The following DAGLA variants were observed in gnomAD, a reference collection of about 807,000 sequenced individuals.
DAGLA encodes the protein diacylglycerol lipase alpha.
Under a neutral mutation model 102.6 loss-of-function variants are expected in DAGLA, and 22 were observed. The observed-to-expected ratio is 0.21, with a 90% CI of 0.15 to 0.31. The LOEUF is 0.31. Ranked by LOEUF, DAGLA falls within the 10% of genes least tolerant of loss-of-function variation. DAGLA has a pLI of 1.00. For missense variants in DAGLA, 927 were observed against 1,446.6 expected, an observed-to-expected ratio of 0.64 and a Z score of 5.83; for synonymous variants, 578 against 628.9, an observed-to-expected ratio of 0.92 and a Z score of 1.21.
chr11:61,721,131 C>T (rs1024589535), intron 3 of DAGLA, among the ~76,000 whole-genome samples: 5 of 152,212 alleles, frequency 3.3e-5, no homozygotes, highest in African/African-American at 1.2e-4. Context: ...TGTGGTGGCT[C>T]ATGCCTGTAA....
At chr11:61,737,381 G>A in intron 14 of DAGLA, 57 bp downstream of exon 14, 1 of 1,600,732 alleles carries the variant, frequency 6.2e-7, no homozygotes, top group Non-Finnish European at 8.5e-7. Context: ...TGGAGGCTGA[G>A]GGTTGGCTGG....
At chr11:61,713,681 G>T (rs1376362796) in intron 1 of DAGLA, among the ~76,000 whole-genome samples, 1 of 152,226 alleles carries the variant, frequency 6.6e-6, no homozygotes, top group Non-Finnish European at 1.5e-5. Flanking sequence ...ACAGCGACCT[G>T]CTGGTGAGCC....
intron 1 of DAGLA, among the ~76,000 whole-genome samples, chr11:61,704,699 G>A (rs1003939149): frequency 3.3e-5 from 5 of 152,282 alleles, no homozygotes; most frequent in African/African-American, 4.8e-5. Flanking sequence ...TTTGTGAGGC[G>A]TTCACTTTGG....
chr11:61,725,208 G>A (rs1004959108), intron 5 of DAGLA, among the ~76,000 whole-genome samples: 1 of 152,154 alleles, frequency 6.6e-6, no homozygotes, highest in Non-Finnish European at 1.5e-5. Flanking sequence ...TGTTGGATCT[G>A]TTATCTTTAT....
chr11:61,728,859 T>C, intron 7 of DAGLA, 72 bp from the exon 8 acceptor site: 2 of 1,397,462 alleles, frequency 1.4e-6, no homozygotes, highest in Non-Finnish European at 2.0e-6. Flanking sequence ...CGCCAGGGCC[T>C]GGGCCCCCTT....
At position 61,745,436 on chromosome 11, in the gene DAGLA, AACACACCC is replaced by A. The variant is rs2065528549; in HGVS notation, c.*948_*955del. ...GCTCTGGGCCCTGGGATCTGGAACC[AACACACCC>A]CTGTTCCCCTCAGCTTTCCCTCCTC... On this transcript the variant is annotated 3_prime_UTR_variant, in exon 20 of 20. Coordinates refer to ENST00000257215, the MANE Select transcript of DAGLA (RefSeq NM_006133.3). The A allele has an allele frequency of 6.6e-6, 1 of 152,552 alleles. No homozygotes were observed. Among genetic ancestry groups the A allele is most frequent in the Non-Finnish European group, 1.5e-5 (1 of 68,288 alleles). The allele number at this position is 152,552 out of a possible 1,614,324, so 9.4% of individuals were successfully genotyped here.
Position 61,735,730 on chromosome 11 carries a change from C to T in DAGLA, c.1213-9C>T. ...AGCCGCCCCCTCACCTGTCTCCTCT[C>T]TCCCCAAGGATGCCCTGACTGACCT... On this transcript the variant is annotated splice_polypyrimidine_tract_variant and intron_variant, in intron 11 of 19. Coordinates refer to ENST00000257215, the MANE Select transcript of DAGLA (RefSeq NM_006133.3). The T allele has an allele frequency of 6.2e-7, 1 of 1,613,514 alleles. No individual in the cohort carries two copies. The highest frequency in any genetic ancestry group is 8.5e-7 in the Non-Finnish European group (1 of 1,179,718).
At chr11:61,727,216 G>A (rs1230919883) in intron 6 of DAGLA, among the ~76,000 whole-genome samples, 1 of 152,274 alleles carries the variant, frequency 6.6e-6, no homozygotes, top group Non-Finnish European at 1.5e-5. Context: ...TTGGATGCCA[G>A]CATTTAAAAA....
rs1444993299 is a variant in DAGLA, at chr11:61,735,072, C to A, written c.1128+70C>A. The A allele has an allele frequency of 3.2e-6, 5 of 1,544,876 alleles. No homozygotes were observed. The African/African-American group carries it at 5.4e-5, about 17-fold the overall frequency. ...TGAGGGCCTAGGGTGCTGAGGCTAT[C>A]CTTCCAGGCCGGCAGGAGCCCTTGC... On this transcript the variant is annotated intron_variant, in intron 10 of 19. Coordinates refer to ENST00000257215, the MANE Select transcript of DAGLA (RefSeq NM_006133.3).
chr11:61,687,133 C>T (rs1402232119), intron 1 of DAGLA, among the ~76,000 whole-genome samples: 3 of 152,290 alleles, frequency 2.0e-5, no homozygotes, highest in East Asian at 3.9e-4. Flanking sequence ...CCTGCACGCT[C>T]CCATCCCTCC....
rs1221142341 is a variant in DAGLA, at chr11:61,739,469, G to A, written c.1661G>A (p.Arg554Gln). 4 of 1,613,288 alleles carry A rather than the reference G, an allele frequency of 2.5e-6. No individual in the cohort carries two copies. Among genetic ancestry groups the A allele is most frequent in the South Asian group, 1.1e-5 (1 of 91,074 alleles). The change falls in exon 17 of 20, where the codon CGG becomes CAG. Residue 554 changes from arginine to glutamine, a missense_variant. Transcript: ENST00000257215. Reference sequence around the variant, plus strand: ...CTCCCACTCCACCCCGCGCAGTGGCGGATCATCGTGGGGGCCACCAAATGC... The same window carrying A: ...CTCCCACTCCACCCCGCGCAGTGGCAGATCATCGTGGGGGCCACCAAATGC... The part of the protein sequence containing the change: ...VLQRSTKPKW[R>Q]IIVGATKCIP...
intron 1 of DAGLA, among the ~76,000 whole-genome samples, chr11:61,690,374 TG>T (rs2065014136): frequency 1.3e-5 from 2 of 152,172 alleles, no homozygotes; most frequent in South Asian, 4.1e-4. Flanking sequence ...CTGGGAATAA[TG>T]GTATCACTTC....
intron 1 of DAGLA, among the ~76,000 whole-genome samples, chr11:61,710,858 G>A (rs1417788152): frequency 1.3e-5 from 2 of 152,178 alleles, no homozygotes; most frequent in Admixed American, 6.5e-5. Context: ...GCGTTATTTC[G>A]TTAACTCCTC....
At chr11:61,700,878 G>A (rs775524666) in intron 1 of DAGLA, among the ~76,000 whole-genome samples, 1 of 152,200 alleles carries the variant, frequency 6.6e-6, no homozygotes, top group Non-Finnish European at 1.5e-5. Context: ...CTCCAGCAAC[G>A]AGACCCCCTG....
chr11:61,733,133 C>T (rs1281836322), intron 9 of DAGLA, among the ~76,000 whole-genome samples: 2 of 152,254 alleles, frequency 1.3e-5, no homozygotes, highest in Non-Finnish European at 2.9e-5. Flanking sequence ...GCTGTCACCA[C>T]CTGCTCTTAC....
chr11:61,705,090 C>G (rs1178913920), intron 1 of DAGLA, among the ~76,000 whole-genome samples: 4 of 152,174 alleles, frequency 2.6e-5, no homozygotes, highest in African/African-American at 7.2e-5. Flanking sequence ...CCAGGGCTGA[C>G]TCCCGGAGCT....
chr11:61,688,056 C>T (rs1210021095), intron 1 of DAGLA, among the ~76,000 whole-genome samples: 1 of 152,148 alleles, frequency 6.6e-6, no homozygotes, highest in East Asian at 1.9e-4. Context: ...GTGGCTCACA[C>T]CTGTAATCCC....
intron 6 of DAGLA, among the ~76,000 whole-genome samples, chr11:61,727,122 T>C (rs1309634377): frequency 1.3e-5 from 2 of 152,222 alleles, no homozygotes; most frequent in East Asian, 3.9e-4. Context: ...GCAAAGGTCC[T>C]GTTAGACACT....
chr11:61,689,661 C>T (rs1207798784), intron 1 of DAGLA, among the ~76,000 whole-genome samples: 8 of 105,046 alleles, frequency 7.6e-5, no homozygotes, highest in South Asian at 3.7e-4. Flanking sequence ...CCTGCCACCA[C>T]GCCCGGCTAA....
Sources: gnomAD v4.1 joint callset for allele counts (sites outside exome capture counted in the v4.1 genomes callset) on GRCh38, gnomAD v4.1.1 for gene constraint, MANE v1.5 for transcripts, NCBI Gene and HGNC (gene_info 2026-07-23, HGNC 2026-07-21) for gene names.